The following ABTB3 variants were observed in gnomAD, a reference collection of about 807,000 sequenced individuals.
ABTB3 encodes ankyrin repeat and BTB domain containing 3.
the ABTB3 span, among the ~76,000 whole-genome samples, chr12:107,566,476 CA>C: frequency 6.6e-6 from 1 of 152,088 alleles, no homozygotes; most frequent in African/African-American, 2.4e-5. Context: ...AATTACTAAA[CA>C]AAGATAGCAA....
chr12:107,502,638 A>T, the ABTB3 span, among the ~76,000 whole-genome samples: 26 of 152,202 alleles, frequency 1.7e-4, no homozygotes, highest in East Asian at 3.7e-3. Flanking sequence ...GCCTGTTAGG[A>T]ACTGAGCCAC....
At chr12:107,345,507 G>A in the ABTB3 span, among the ~76,000 whole-genome samples, 3 of 152,294 alleles carry the variant, frequency 2.0e-5, no homozygotes, top group African/African-American at 7.2e-5. Flanking sequence ...AAGCAGAAGG[G>A]GGGGATTATT....
At chr12:107,503,975 C>T in the ABTB3 span, among the ~76,000 whole-genome samples, 1 of 152,142 alleles carries the variant, frequency 6.6e-6, no homozygotes, top group Admixed American at 6.5e-5. Context: ...GAGAAAGCCT[C>T]TCTCCAGAAG....
chr12:107,443,385 C>T, the ABTB3 span, among the ~76,000 whole-genome samples: 1 of 151,786 alleles, frequency 6.6e-6, no homozygotes, highest in Admixed American at 6.6e-5. Context: ...TGGATAGGTA[C>T]CTCCTTTGTT....
the ABTB3 span, among the ~76,000 whole-genome samples, chr12:107,625,322 A>G: frequency 6.6e-6 from 1 of 152,138 alleles, no homozygotes; most frequent in East Asian, 1.9e-4. Context: ...GCATTGATTT[A>G]TGTTTTTATT....
chr12:107,494,403 G>A, the ABTB3 span, among the ~76,000 whole-genome samples: 1 of 152,206 alleles, frequency 6.6e-6, no homozygotes, highest in East Asian at 1.9e-4. Flanking sequence ...TGGGAAGGCA[G>A]GAATAAGGAG....
the ABTB3 span, among the ~76,000 whole-genome samples, chr12:107,373,010 A>G: frequency 1.3e-5 from 2 of 152,180 alleles, no homozygotes; most frequent in Non-Finnish European, 2.9e-5. Flanking sequence ...GATGTTAAGC[A>G]GCATCCCTGG....
chr12:107,376,453 C>G, the ABTB3 span, among the ~76,000 whole-genome samples: 6 of 152,148 alleles, frequency 3.9e-5, no homozygotes, highest in Non-Finnish European at 8.8e-5. Flanking sequence ...GGCTCAAGTT[C>G]CTTAACTGAA....
At chr12:107,388,009 G>T in the ABTB3 span, among the ~76,000 whole-genome samples, 1 of 123,824 alleles carries the variant, frequency 8.1e-6, no homozygotes. Context: ...GTCTCGCTCT[G>T]TTGCCCAGGC....
At chr12:107,470,012 C>CTTTCTT in the ABTB3 span, among the ~76,000 whole-genome samples, 33 of 108,170 alleles carry the variant, frequency 3.1e-4, no homozygotes, top group East Asian at 8.3e-4. Context: ...TTCTTTCTTT[C>CTTTCTT]TCTCTCTCTC....
the ABTB3 span, among the ~76,000 whole-genome samples, chr12:107,424,352 A>G: frequency 3.3e-5 from 5 of 152,316 alleles, no homozygotes; most frequent in African/African-American, 1.2e-4. Context: ...CACTGCAGGT[A>G]AACATCAAGG....
the ABTB3 span, among the ~76,000 whole-genome samples, chr12:107,540,656 C>T: frequency 3.9e-5 from 6 of 152,058 alleles, no homozygotes; most frequent in Non-Finnish European, 8.8e-5. Flanking sequence ...TAACATAGAG[C>T]TTTCCTTTAT....
At chr12:107,479,303 A>G in the ABTB3 span, among the ~76,000 whole-genome samples, 1 of 151,844 alleles carries the variant, frequency 6.6e-6, no homozygotes, top group South Asian at 2.1e-4. Context: ...CTTCTAAGAG[A>G]CATCACTAAC....
At chr12:107,617,683 A>G in the ABTB3 span, 1 of 508,970 alleles carries the variant, frequency 2.0e-6, no homozygotes, top group African/African-American at 1.9e-5. Context: ...ACAGAGAGAC[A>G]TCACTCTTGG....
At chr12:107,398,548 T>A in the ABTB3 span, among the ~76,000 whole-genome samples, 1 of 152,226 alleles carries the variant, frequency 6.6e-6, no homozygotes, top group Non-Finnish European at 1.5e-5. Context: ...AGCATTTGTG[T>A]GTGTTCTAGG....
At chr12:107,598,020 G>A in the ABTB3 span, among the ~76,000 whole-genome samples, 41 of 152,326 alleles carry the variant, frequency 2.7e-4, 2 homozygotes, top group African/African-American at 9.9e-4. Context: ...GCCTTTTAAG[G>A]AGTCTGCCCT....
chr12:107,332,523 C>T, the ABTB3 span, among the ~76,000 whole-genome samples: 1 of 152,022 alleles, frequency 6.6e-6, no homozygotes, highest in Non-Finnish European at 1.5e-5. Flanking sequence ...AACCACCGTG[C>T]CTTGAGGAGG....
At chr12:107,535,601 A>G in the ABTB3 span, among the ~76,000 whole-genome samples, 1 of 152,228 alleles carries the variant, frequency 6.6e-6, no homozygotes, top group African/African-American at 2.4e-5. Flanking sequence ...TACAAAAATC[A>G]GTAGTGTTTC....
chr12:107,324,180 C>T, the ABTB3 span, among the ~76,000 whole-genome samples: 5 of 152,164 alleles, frequency 3.3e-5, no homozygotes, highest in Non-Finnish European at 5.9e-5. Context: ...ACAATGGTAT[C>T]TCATCTCTAT....
Sources: allele counts gnomAD v4.1 joint callset (sites outside exome capture counted in the v4.1 genomes callset), GRCh38; gene constraint gnomAD v4.1.1; transcripts MANE v1.5; gene names NCBI Gene and HGNC (gene_info 2026-07-23, HGNC 2026-07-21).